Variants in CCDC170 observed in about 807,000 individuals in gnomAD.
The protein encoded by CCDC170 is coiled-coil domain-containing protein 170.
CCDC170 carries 69 observed loss-of-function variants against 72.6 expected under a neutral mutation model. That is an observed-to-expected ratio of 0.95 (90% CI 0.78 to 1.16). The LOEUF (loss-of-function observed/expected upper bound fraction) is 1.16. Ranked by LOEUF, CCDC170 falls within the 50% of genes most tolerant of loss-of-function variation. The pLI is 0.00. For missense variants in CCDC170, 852 were observed against 832.5 expected, an observed-to-expected ratio of 1.02 and a Z score of -0.29; for synonymous variants, 300 against 303.9, an observed-to-expected ratio of 0.99 and a Z score of 0.13.
chr6:151,513,381 G>A lies in CCDC170; in HGVS notation c.57+19196G>A, dbSNP rs531825054. On this transcript the variant is annotated intron_variant, in intron 1 of 10. Transcript: ENST00000239374. ...TCCCAGCACTTTGGGATGCCAAGGC[G>A]GGCAGATCACTTGAGGTCAGGAGTT... is the stretch of plus-strand genomic sequence containing the variant. Among the ~76,000 whole-genome samples, 118 of 152,200 alleles carry A rather than the reference G, an allele frequency of 7.8e-4. 1 individual carries two copies. Among genetic ancestry groups the A allele is most frequent in the Admixed American group, 2.7e-3 (41 of 15,274 alleles).
chr6:151,499,454 G>A (rs921711939), intron 1 of CCDC170, among the ~76,000 whole-genome samples: 4 of 113,134 alleles, frequency 3.5e-5, no homozygotes, highest in Non-Finnish European at 7.4e-5. Flanking sequence ...TTCTAGGCAC[G>A]CTGTATAAGT....
intron 3 of CCDC170, among the ~76,000 whole-genome samples, chr6:151,543,808 T>C (rs1413212861): frequency 6.6e-6 from 1 of 152,224 alleles, no homozygotes; most frequent in Non-Finnish European, 1.5e-5. Flanking sequence ...ATTTCACTCT[T>C]TTAAAAGGCT....
intron 1 of CCDC170, among the ~76,000 whole-genome samples, chr6:151,509,032 A>T (rs973901420): frequency 7.0e-6 from 1 of 141,968 alleles, no homozygotes; most frequent in Non-Finnish European, 1.5e-5. Flanking sequence ...AAAAAAAAAA[A>T]ATACAAAAAT....
intron 5 of CCDC170, among the ~76,000 whole-genome samples, chr6:151,556,469 C>A: frequency 6.6e-6 from 1 of 152,156 alleles, no homozygotes; most frequent in East Asian, 1.9e-4. Flanking sequence ...CAAAATCAAA[C>A]AAACAAACAA....
chr6:151,520,908 A>T (rs1162001705), intron 1 of CCDC170, among the ~76,000 whole-genome samples: 2 of 152,178 alleles, frequency 1.3e-5, no homozygotes, highest in African/African-American at 4.8e-5. Context: ...GACTGATTTG[A>T]GTAATAAGAA....
chr6:151,621,029 A>C lies in CCDC170; in HGVS notation c.*2882A>C, dbSNP rs1277356513. On this transcript the variant is annotated 3_prime_UTR_variant, in exon 11 of 11. Transcript: ENST00000239374. ...GATCTTTAACATACTCAGAAATATG[A>C]AAAATGTTTGAATATGATCTTTAGG... 6.6e-6 allele frequency: 1 copy of C among 152,244 alleles called. No homozygotes were observed. The highest frequency in any genetic ancestry group is 1.5e-5 in the Non-Finnish European group (1 of 68,040). 9.4% of individuals were successfully genotyped at this position (152,244 alleles called of 1,614,324 possible). A position where few individuals can be genotyped will look rare whatever the true frequency, so the allele number is the denominator to read the frequency against.
intron 9 of CCDC170, among the ~76,000 whole-genome samples, chr6:151,601,128 A>T (rs1419294288): frequency 6.6e-6 from 1 of 152,202 alleles, no homozygotes; most frequent in African/African-American, 2.4e-5. Context: ...AGGCCTCATA[A>T]TCATGGCAGA....
Position 151,541,567 on chromosome 6 carries a change from G to A in CCDC170, c.444-3005G>A, listed in dbSNP as rs117220864. 2.2e-3 allele frequency among the ~76,000 whole-genome samples: 337 copies of A among 151,946 alleles called. 1 individual carries two copies. Among genetic ancestry groups the A allele is most frequent in the Admixed American group, 4.2e-3 (64 of 15,232 alleles). ...TTGTATCTTTAGCACCTTTAATGGG[G>A]CTTGGTGTATGATGGGTACTCAATA... On this transcript the variant is annotated intron_variant, in intron 3 of 10. Coordinates refer to ENST00000239374, the MANE Select transcript of CCDC170 (RefSeq NM_025059.4).
At chr6:151,511,639 A>G (rs1324647670) in intron 1 of CCDC170, among the ~76,000 whole-genome samples, 1 of 152,192 alleles carries the variant, frequency 6.6e-6, no homozygotes, top group Non-Finnish European at 1.5e-5. Context: ...TCATGAGTGC[A>G]TACTATCTGC....
At chr6:151,576,791 A>T (rs1163352590) in intron 6 of CCDC170, among the ~76,000 whole-genome samples, 1 of 152,176 alleles carries the variant, frequency 6.6e-6, no homozygotes, top group Non-Finnish European at 1.5e-5. Flanking sequence ...GAGCTTTACA[A>T]ATTGATGAAT....
chr6:151,545,191 G>A lies in CCDC170; in HGVS notation c.588+475G>A, dbSNP rs187660329. On this transcript the variant is annotated intron_variant, in intron 4 of 10. Coordinates refer to ENST00000239374, the MANE Select transcript of CCDC170 (RefSeq NM_025059.4). ...TCCCAGCACTTTGGGAGGCTCAGGC[G>A]GGCAGATCACCTGAGGTCAGGGGTT... 2.7e-3 allele frequency among the ~76,000 whole-genome samples: 410 copies of A among 152,190 alleles called. 1 individual carries two copies. The highest frequency in any genetic ancestry group is 9.5e-3 in the African/African-American group (393 of 41,534).
chr6:151,594,222 A>G (rs1209434377), intron 8 of CCDC170, among the ~76,000 whole-genome samples: 1 of 152,222 alleles, frequency 6.6e-6, no homozygotes, highest in Admixed American at 6.5e-5. Context: ...TCCAGTGTAG[A>G]TGCTGTATAA....
intron 1 of CCDC170, among the ~76,000 whole-genome samples, chr6:151,515,306 G>A (rs9478210): frequency 0.13 from 19,626 of 152,138 alleles, 1,429 homozygotes; most frequent in Middle Eastern, 0.21. Context: ...TTATTGAGAC[G>A]GAGTCTCACT....
At chr6:151,546,167 T>C (rs1782769712) in intron 4 of CCDC170, among the ~76,000 whole-genome samples, 2 of 152,128 alleles carry the variant, frequency 1.3e-5, no homozygotes, top group African/African-American at 4.8e-5. Flanking sequence ...GATGACTTCA[T>C]TCGACTTTGG....
At chr6:151,541,544 G>A (rs1175807206) in intron 3 of CCDC170, among the ~76,000 whole-genome samples, 1 of 151,874 alleles carries the variant, frequency 6.6e-6, no homozygotes, top group Non-Finnish European at 1.5e-5. Context: ...GTTTACTGTT[G>A]TATCTTTAGC....
intron 1 of CCDC170, among the ~76,000 whole-genome samples, chr6:151,510,740 C>T (rs560719791): frequency 3.0e-4 from 45 of 149,914 alleles, no homozygotes; most frequent in African/African-American, 9.8e-4. Context: ...AGTTTTTTTT[C>T]TTCTTCTTTT....
At chr6:151,504,683 CA>C (rs1436836087) in intron 1 of CCDC170, among the ~76,000 whole-genome samples, 1 of 151,704 alleles carries the variant, frequency 6.6e-6, no homozygotes, top group East Asian at 1.9e-4. Context: ...TGGTGATGGT[CA>C]GGGGGTAATG....
intron 6 of CCDC170, among the ~76,000 whole-genome samples, chr6:151,584,513 TTTCA>T (rs1471709525): frequency 6.6e-6 from 1 of 152,190 alleles, no homozygotes; most frequent in African/African-American, 2.4e-5. Context: ...ATGTATAATA[TTTCA>T]ACTATATTTT....
chr6:151,531,480 T>C (rs562171730), intron 1 of CCDC170, among the ~76,000 whole-genome samples: 1 of 152,248 alleles, frequency 6.6e-6, no homozygotes, highest in South Asian at 2.1e-4. Context: ...GGCACATGCT[T>C]GTAGTCCTAG....
Sources: gnomAD v4.1 joint callset for allele counts (sites outside exome capture counted in the v4.1 genomes callset) on GRCh38, gnomAD v4.1.1 for gene constraint, MANE v1.5 for transcripts, NCBI Gene and HGNC (gene_info 2026-07-23, HGNC 2026-07-21) for gene names.